Variants in KPNA5 observed in about 807,000 individuals in gnomAD.
The protein encoded by KPNA5 is karyopherin subunit alpha 5.
KPNA5 carries 46 observed loss-of-function variants against 71.3 expected under a neutral mutation model. That is an observed-to-expected ratio of 0.65 (90% CI 0.51 to 0.83). KPNA5 has a LOEUF of 0.83. Among genes scored for constraint, KPNA5 ranks in the 40% least tolerant of loss-of-function variants. The pLI is 0.00. For synonymous variants in KPNA5, 207 were observed against 201.4 expected (o/e 1.03, Z -0.24); for missense variants, 547 against 628.3 (o/e 0.87, Z 1.38).
chr6:116,696,366 G>A (rs1778029370), intron 4 of KPNA5, among the ~76,000 whole-genome samples: 1 of 152,174 alleles, frequency 6.6e-6, no homozygotes, highest in African/African-American at 2.4e-5. Flanking sequence ...GGGAAAGCAA[G>A]CATCTAGAGG....
chr6:116,720,246 C>T (rs951144402), intron 8 of KPNA5, among the ~76,000 whole-genome samples: 2 of 152,180 alleles, frequency 1.3e-5, no homozygotes, highest in Non-Finnish European at 2.9e-5. Context: ...TAGCTTTCCT[C>T]TTATTGGTAG....
chr6:116,707,099 G>A (rs1778471186), intron 7 of KPNA5, among the ~76,000 whole-genome samples: 1 of 152,104 alleles, frequency 6.6e-6, no homozygotes, highest in Non-Finnish European at 1.5e-5. Context: ...AGGAGGTGGA[G>A]CTTGCAGTGA....
At chr6:116,717,853 A>G (rs190677650) in intron 8 of KPNA5, among the ~76,000 whole-genome samples, 10 of 151,988 alleles carry the variant, frequency 6.6e-5, no homozygotes, top group African/African-American at 2.4e-4. Context: ...ATACATGCCC[A>G]TCTGAGGCTT....
chr6:116,726,272 A>G (rs1166172406), intron 11 of KPNA5, among the ~76,000 whole-genome samples: 1 of 152,064 alleles, frequency 6.6e-6, no homozygotes, highest in African/African-American at 2.4e-5. Flanking sequence ...TATCATCTCT[A>G]AAATTTATAT....
intron 1 of KPNA5, among the ~76,000 whole-genome samples, chr6:116,681,782 C>T (rs1777368130): frequency 6.6e-6 from 1 of 152,172 alleles, no homozygotes; most frequent in African/African-American, 2.4e-5. Context: ...CCCTCTCCAT[C>T]CGCCAGCCTC....
intron 8 of KPNA5, among the ~76,000 whole-genome samples, chr6:116,716,602 A>G (rs937325489): frequency 6.6e-6 from 1 of 152,212 alleles, no homozygotes; most frequent in Non-Finnish European, 1.5e-5. Flanking sequence ...TCTCATTTAT[A>G]GGAAAATAAG....
intron 8 of KPNA5, 52 bp downstream of exon 8, chr6:116,716,370 C>G: frequency 2.4e-6 from 3 of 1,225,960 alleles, no homozygotes; most frequent in Non-Finnish European, 3.5e-6. Context: ...ACCTAAGTTT[C>G]TATATAATAG....
intron 1 of KPNA5, among the ~76,000 whole-genome samples, chr6:116,683,624 G>T (rs1777447430): frequency 6.6e-6 from 1 of 151,952 alleles, no homozygotes; most frequent in African/African-American, 2.4e-5. Context: ...CTGTGGCCCA[G>T]GCTGGAGTGC....
chr6:116,699,976 C>A (rs1333021460), intron 5 of KPNA5, among the ~76,000 whole-genome samples: 1 of 152,136 alleles, frequency 6.6e-6, no homozygotes, highest in Non-Finnish European at 1.5e-5. Flanking sequence ...AACATCATAT[C>A]CTTAGTGCTC....
At chr6:116,681,881 C>G (rs1777373370) in intron 1 of KPNA5, among the ~76,000 whole-genome samples, 1 of 152,160 alleles carries the variant, frequency 6.6e-6, no homozygotes, top group Non-Finnish European at 1.5e-5. Context: ...TCGGGCAGCT[C>G]CGTTCTAAGA....
At chr6:116,725,994 A>G in intron 11 of KPNA5, 118 bp downstream of exon 11, 1 of 1,134,932 alleles carries the variant, frequency 8.8e-7, no homozygotes, top group Non-Finnish European at 1.2e-6. Flanking sequence ...AAAGTATTTT[A>G]AAGAACATGG....
intron 7 of KPNA5, among the ~76,000 whole-genome samples, chr6:116,710,931 G>A (rs1463170903): frequency 9.6e-6 from 1 of 104,134 alleles, no homozygotes; most frequent in African/African-American, 3.6e-5. Flanking sequence ...GTCTTGCTCT[G>A]TTGCACAGGC....
At chr6:116,682,706 A>AG (rs1316543254) in intron 1 of KPNA5, among the ~76,000 whole-genome samples, 1 of 152,232 alleles carries the variant, frequency 6.6e-6, no homozygotes, top group African/African-American at 2.4e-5. Context: ...GGTTTTTCTA[A>AG]GAGCCGTTGA....
chr6:116,692,025 A>G (rs776425241), intron 2 of KPNA5, 30 bp from the exon 3 acceptor site: 1 of 1,383,392 alleles, frequency 7.2e-7, no homozygotes, highest in South Asian at 1.2e-5. Flanking sequence ...TGGAAAGCTC[A>G]ATGTGTAAAC....
At chr6:116,700,331 G>C (rs1302794636) in intron 5 of KPNA5, among the ~76,000 whole-genome samples, 2 of 152,076 alleles carry the variant, frequency 1.3e-5, no homozygotes, top group African/African-American at 4.8e-5. Flanking sequence ...TTAGCTGAGT[G>C]TGGTGGCATG....
intron 7 of KPNA5, among the ~76,000 whole-genome samples, chr6:116,708,383 A>G (rs1242864414): frequency 1.3e-5 from 2 of 152,174 alleles, no homozygotes; most frequent in African/African-American, 4.8e-5. Context: ...TGAGTGTTCT[A>G]ATTTCTCTAT....
chr6:116,723,393 G>T (rs754511523), intron 9 of KPNA5, among the ~76,000 whole-genome samples: 4 of 152,130 alleles, frequency 2.6e-5, no homozygotes, highest in Admixed American at 2.6e-4. Flanking sequence ...TGAGGAAACT[G>T]AAGTTCAAAT....
intron 8 of KPNA5, among the ~76,000 whole-genome samples, chr6:116,719,045 A>C (rs1226377345): frequency 6.6e-6 from 1 of 152,140 alleles, no homozygotes; most frequent in Non-Finnish European, 1.5e-5. Flanking sequence ...CAGCCTCCCA[A>C]AGTGCTGGGA....
chr6:116,707,443 A>G (rs1399576767), intron 7 of KPNA5, among the ~76,000 whole-genome samples: 1 of 152,224 alleles, frequency 6.6e-6, no homozygotes, highest in Non-Finnish European at 1.5e-5. Flanking sequence ...AAAGAACAAT[A>G]GTATACAACA....
Sources: gnomAD v4.1 joint callset for allele counts (sites outside exome capture counted in the v4.1 genomes callset) on GRCh38, gnomAD v4.1.1 for gene constraint, MANE v1.5 for transcripts, NCBI Gene and HGNC (gene_info 2026-07-23, HGNC 2026-07-21) for gene names.